Variants in PPP1R12B observed in about 807,000 individuals in gnomAD.
PPP1R12B encodes myosin phosphatase target subunit 2.
In PPP1R12B, 76 loss-of-function variants were observed where a neutral mutation model predicts 126.1. The observed-to-expected ratio is 0.60, with a 90% CI of 0.50 to 0.73. The LOEUF (loss-of-function observed/expected upper bound fraction) is 0.73. Among genes scored for constraint, PPP1R12B ranks in the 30% least tolerant of loss-of-function variants. PPP1R12B has a pLI of 0.00. For synonymous variants in PPP1R12B, 356 were observed against 434.7 expected (o/e 0.82, Z 2.25); for missense variants, 1,052 against 1,205.1 (o/e 0.87, Z 1.88).
intron 1 of PPP1R12B, among the ~76,000 whole-genome samples, chr1:202,385,877 T>C (rs1239682899): frequency 2.0e-5 from 3 of 152,214 alleles, no homozygotes; most frequent in Admixed American, 6.5e-5. Flanking sequence ...GGGACAATTA[T>C]AATAAGGAGA....
intron 2 of PPP1R12B, among the ~76,000 whole-genome samples, chr1:202,421,128 G>A (rs982965433): frequency 6.6e-6 from 1 of 151,588 alleles, no homozygotes; most frequent in Non-Finnish European, 1.5e-5. Flanking sequence ...GCTAAGTTTT[G>A]TGTTTTTAGT....
chr1:202,480,849 T>C lies in PPP1R12B; in HGVS notation c.1851-7684T>C, dbSNP rs533991110. ...AAGAAGATTCTTTGAAAGTACAAGA[T>C]AGACCAAAGGATTTCAATGTAACAG... On this transcript the variant is annotated intron_variant, in intron 13 of 23. Coordinates refer to ENST00000608999, the MANE Select transcript of PPP1R12B (RefSeq NM_002481.4). Among the ~76,000 whole-genome samples the C allele has an allele frequency of 7.6e-4, 116 of 152,292 alleles. 1 individual carries two copies. The highest frequency in any genetic ancestry group is 9.7e-4 in the Non-Finnish European group (66 of 68,016).
intron 12 of PPP1R12B, chr1:202,448,624 G>C (rs1475086135): frequency 5.3e-6 from 1 of 187,530 alleles, no homozygotes. Flanking sequence ...CTTGTGTAGA[G>C]AGGCCATGTC....
chr1:202,555,324 T>TTAAAAAAAAA (rs1686776254), intron 18 of PPP1R12B, among the ~76,000 whole-genome samples: 1 of 5,010 alleles, frequency 2.0e-4, no homozygotes. Context: ...CCTGTTTTAA[T>TTAAAAAAAAA]GAAAAAAAAA....
chr1:202,435,042 C>A (rs575110745), intron 9 of PPP1R12B, among the ~76,000 whole-genome samples: 93 of 152,168 alleles, frequency 6.1e-4, no homozygotes, highest in African/African-American at 2.0e-3. Context: ...ACCACCTTCT[C>A]GCCATGTCCT....
chr1:202,407,304 A>G (rs559139194), intron 1 of PPP1R12B, among the ~76,000 whole-genome samples: 1 of 152,338 alleles, frequency 6.6e-6, no homozygotes, highest in African/African-American at 2.4e-5. Context: ...CTTAGGCAAT[A>G]TGATACTTGC....
intron 1 of PPP1R12B, among the ~76,000 whole-genome samples, chr1:202,356,192 A>G (rs35605489): frequency 0.43 from 65,926 of 151,912 alleles, 15,653 homozygotes; most frequent in East Asian, 0.7. Flanking sequence ...TCTCAAATAA[A>G]TAAGTAAGTA....
At chr1:202,421,787 G>A (rs553043168) in intron 2 of PPP1R12B, among the ~76,000 whole-genome samples, 9 of 152,202 alleles carry the variant, frequency 5.9e-5, no homozygotes, top group South Asian at 4.2e-4. Context: ...AGCTCCTAGC[G>A]TTATTAGAGT....
At position 202,430,802 on chromosome 1, in the gene PPP1R12B, C is replaced by A; in HGVS notation, c.993C>A (p.Phe331Leu). Residue 331 changes from phenylalanine to leucine, a missense_variant, in exon 7 of 24, where the codon TTC (phenylalanine) becomes TTA (leucine). Physicochemically the swap from Phe to Leu is conservative, Grantham distance 22. Coordinates refer to ENST00000608999, the MANE Select transcript of PPP1R12B (RefSeq NM_002481.4). ...TGAACAGCAAGATTCAGAGTGGGTT[C>A]TTTAAGAAGTAAGACATTTAGGCTT... ...SDLNSKIQSG[F>L]FKNKEKMLYE... 2 of 1,612,218 alleles carry A rather than the reference C, an allele frequency of 1.2e-6. No individual in the cohort carries two copies. Among genetic ancestry groups the A allele is most frequent in the East Asian group, 4.5e-5 (2 of 44,810 alleles).
In PPP1R12B at chr1:202,517,740, C is replaced by G. The variant is rs548105888; in HGVS notation, c.2490+20918C>G. Among the ~76,000 whole-genome samples, 17 of 152,166 alleles carry G rather than the reference C, an allele frequency of 1.1e-4. 1 individual carries two copies. The South Asian group carries it at 2.7e-3, about 24-fold the overall frequency. On this transcript the variant is annotated intron_variant, in intron 18 of 23. Transcript: ENST00000608999. ...TCCCAGGTTTGAGCAGTTCTCCTGCCTCAGCCTCTCAAGTAGCTGGGATTA... is the reference window on the plus strand; with the variant it reads ...TCCCAGGTTTGAGCAGTTCTCCTGCGTCAGCCTCTCAAGTAGCTGGGATTA...
At chr1:202,536,841 A>T (rs1370844661) in intron 18 of PPP1R12B, among the ~76,000 whole-genome samples, 2 of 152,026 alleles carry the variant, frequency 1.3e-5, no homozygotes, top group African/African-American at 4.8e-5. Context: ...AGGCCTACAC[A>T]GGGTCAGAAT....
intron 13 of PPP1R12B, among the ~76,000 whole-genome samples, chr1:202,465,004 G>T (rs1674797711): frequency 6.6e-6 from 1 of 152,174 alleles, no homozygotes; most frequent in South Asian, 2.1e-4. Flanking sequence ...GATTGAGTTG[G>T]CCTTTAAGTA....
chr1:202,486,753 A>C (rs1235276977), intron 13 of PPP1R12B, among the ~76,000 whole-genome samples: 1 of 152,254 alleles, frequency 6.6e-6, no homozygotes, highest in Non-Finnish European at 1.5e-5. Flanking sequence ...GGCTACAGTC[A>C]GCTGTGATCA....
At chr1:202,401,802 C>A (rs1665883681) in intron 1 of PPP1R12B, among the ~76,000 whole-genome samples, 1 of 152,200 alleles carries the variant, frequency 6.6e-6, no homozygotes, top group Admixed American at 6.5e-5. Context: ...ATCCTCCATT[C>A]TGTTCTGAAA....
chr1:202,498,273 A>G lies in PPP1R12B; in HGVS notation c.2490+1451A>G, dbSNP rs549196155. Among the ~76,000 whole-genome samples the G allele has an allele frequency of 9.2e-5, 14 of 152,350 alleles. No homozygotes were observed. In the East Asian group the frequency reaches 2.5e-3, roughly 27 times the overall value. The stretch of plus-strand genomic sequence containing the variant: ...TGAAAGGCATTTGTCAGACTAAAAA[A>G]TACTCCACACATCCAATTGCATAAG... On this transcript the variant is annotated intron_variant, in intron 18 of 23. Transcript: ENST00000608999.
At chr1:202,405,761 A>G (rs746603072) in intron 1 of PPP1R12B, among the ~76,000 whole-genome samples, 1 of 152,174 alleles carries the variant, frequency 6.6e-6, no homozygotes, top group African/African-American at 2.4e-5. Flanking sequence ...TCTTAACTGT[A>G]TGCTGTACTG....
At chr1:202,446,213 A>ACTCTCTCTCTCTCTCT (rs3077313) in intron 12 of PPP1R12B, among the ~76,000 whole-genome samples, 118 of 64,462 alleles carry the variant, frequency 1.8e-3, no homozygotes, top group South Asian at 4.4e-3. Context: ...ATATTATATT[A>ACTCTCTCTCTCTCTCT]CTCTCTCTCT....
At chr1:202,459,361 T>C (rs1674025057) in intron 13 of PPP1R12B, among the ~76,000 whole-genome samples, 1 of 152,224 alleles carries the variant, frequency 6.6e-6, no homozygotes, top group South Asian at 2.1e-4. Flanking sequence ...ACAGTCTTTC[T>C]TATAATGTAA....
intron 1 of PPP1R12B, among the ~76,000 whole-genome samples, chr1:202,387,980 G>A (rs766688422): frequency 2.0e-5 from 3 of 151,522 alleles, no homozygotes; most frequent in Non-Finnish European, 4.4e-5. Flanking sequence ...ATAATTCTAA[G>A]GTAAATGAAA....
Sources: allele counts gnomAD v4.1 joint callset (sites outside exome capture counted in the v4.1 genomes callset), GRCh38; gene constraint gnomAD v4.1.1; transcripts MANE v1.5; gene names NCBI Gene and HGNC (gene_info 2026-07-23, HGNC 2026-07-21).